Variants in ZBTB46 observed in about 807,000 individuals in gnomAD.
The protein encoded by ZBTB46 is zinc finger and BTB domain-containing protein 46.
In ZBTB46, 8 loss-of-function variants were observed where a neutral mutation model predicts 44.1. The observed-to-expected ratio is 0.18, with a 90% CI of 0.11 to 0.33. ZBTB46 has a LOEUF of 0.33. ZBTB46 is among the 10% of genes least tolerant of loss of function. The pLI, the probability that ZBTB46 is intolerant of heterozygous loss-of-function variation, is 1.00. For synonymous variants in ZBTB46, 409 were observed against 382.3 expected, an observed-to-expected ratio of 1.07 and a Z score of -0.81; for missense variants, 651 against 847.7, an observed-to-expected ratio of 0.77 and a Z score of 2.88.
At chr20:63,818,397 G>C (rs570697628) in intron 1 of ZBTB46, among the ~76,000 whole-genome samples, 250 of 152,356 alleles carry the variant, frequency 1.6e-3, no homozygotes, top group African/African-American at 5.8e-3. Flanking sequence ...GTGAGGAGGA[G>C]AGCAGCGCAG....
chr20:63,793,407 G>C (rs1051724713), intron 1 of ZBTB46, among the ~76,000 whole-genome samples: 8 of 152,136 alleles, frequency 5.3e-5, no homozygotes, highest in African/African-American at 1.9e-4. Flanking sequence ...TCGGGGAAGT[G>C]ACCAAAACAC....
upstream of ZBTB46, among the ~76,000 whole-genome samples, chr20:63,832,741 G>C (rs1167891891): frequency 6.6e-6 from 1 of 152,152 alleles, no homozygotes; most frequent in Non-Finnish European, 1.5e-5. This position sits in a 1 kb window ranked among gnomAD's most constrained non-coding sequence, Gnocchi z 5.0. Flanking sequence ...CCCTCTCGGT[G>C]GCACTGCCTG....
At chr20:63,795,921 C>T (rs1252734344) in intron 1 of ZBTB46, among the ~76,000 whole-genome samples, 1 of 152,152 alleles carries the variant, frequency 6.6e-6, no homozygotes, top group East Asian at 1.9e-4. Flanking sequence ...CGGAAGGTGA[C>T]GGGTGTCCAT....
At chr20:63,799,836 G>C (rs533061932) in intron 1 of ZBTB46, among the ~76,000 whole-genome samples, 1 of 152,238 alleles carries the variant, frequency 6.6e-6, no homozygotes, top group Admixed American at 6.5e-5. Context: ...TCGAGGACAC[G>C]AGCACCTGGA....
intron 2 of ZBTB46, among the ~76,000 whole-genome samples, chr20:63,781,001 C>T (rs1449825139): frequency 1.3e-5 from 2 of 148,346 alleles, no homozygotes; most frequent in African/African-American, 5.0e-5. Flanking sequence ...ATTAGCTGGG[C>T]GCGGTGGCGG....
chr20:63,822,788 A>G (rs2092799516), intron 1 of ZBTB46, among the ~76,000 whole-genome samples: 4 of 152,108 alleles, frequency 2.6e-5, no homozygotes, highest in Non-Finnish European at 4.4e-5. Context: ...CTGAGGCAGG[A>G]TGAATGCTTG....
At chr20:63,785,584 C>G (rs897856976) in intron 2 of ZBTB46, among the ~76,000 whole-genome samples, 1 of 152,094 alleles carries the variant, frequency 6.6e-6, no homozygotes, top group African/African-American at 2.4e-5. Flanking sequence ...TAAAAAAGGG[C>G]CTTTGCTTCT....
rs528194893 is a variant in ZBTB46, at chr20:63,803,291, A to G, written c.-33-12501T>C. On this transcript the variant is annotated intron_variant, in intron 1 of 4. Coordinates refer to ENST00000245663, the MANE Select transcript of ZBTB46 (RefSeq NM_001369741.1). This position sits in a 1 kb window ranked among gnomAD's most constrained non-coding sequence, Gnocchi z 4.0. ...AAAAAATTAAGGTTAAGACATGAAT[A>G]CTGTGAAACTGTCGTACAAATTAAA... 310 of 983,528 alleles carry G rather than the reference A, an allele frequency of 3.2e-4. No individual in the cohort carries two copies. The African/African-American group carries it at 5.2e-3, about 17-fold the overall frequency. The allele number at this position is 983,528 out of a possible 1,614,324, so 60.9% of individuals were successfully genotyped here.
intron 1 of ZBTB46, among the ~76,000 whole-genome samples, chr20:63,826,128 G>A (rs969292634): frequency 6.6e-6 from 1 of 152,262 alleles, no homozygotes; most frequent in Admixed American, 6.5e-5. Flanking sequence ...GGCTTTCTGT[G>A]CAAGAGGCTT....
intron 1 of ZBTB46, among the ~76,000 whole-genome samples, chr20:63,812,909 C>T (rs1195041302): frequency 1.3e-5 from 2 of 152,174 alleles, no homozygotes; most frequent in African/African-American, 2.4e-5. Context: ...TCCCGACCAA[C>T]ATGGTGAAAC....
At chr20:63,832,857 G>A (rs1248559033), upstream of ZBTB46, among the ~76,000 whole-genome samples, 1 of 151,980 alleles carries the variant, frequency 6.6e-6, no homozygotes. The surrounding 1 kb of genome is among the most constrained non-coding windows in gnomAD (Gnocchi z 5.0). Flanking sequence ...GGCGGGTCAC[G>A]TGCATCCCCC....
At position 63,745,547 on chromosome 20, in the gene ZBTB46, G is replaced by A. The variant is rs575276183; in HGVS notation, c.*1383C>T. 1.6e-4 allele frequency: 24 copies of A among 152,278 alleles called. No individual in the cohort carries two copies. Among genetic ancestry groups the A allele is most frequent in the African/African-American group, 5.1e-4 (21 of 41,422 alleles). The allele number at this position is 152,278 out of a possible 1,614,324, so 9.4% of individuals were successfully genotyped here. A position where few individuals can be genotyped will look rare whatever the true frequency, so the allele number is the denominator to read the frequency against. ...ACGCAGCCCTGAAGCTCAGCACTCC[G>A]GGGGGTCTTCACACGGGCAGGTCCT... On this transcript the variant is annotated 3_prime_UTR_variant, in exon 5 of 5. Coordinates refer to ENST00000245663, the MANE Select transcript of ZBTB46 (RefSeq NM_001369741.1).
chr20:63,747,028 CAG>C lies in ZBTB46; in HGVS notation c.1670_1671del (p.Pro557ArgfsTer11), dbSNP rs1568822093. 2 of 1,608,254 alleles carry C rather than the reference CAG, an allele frequency of 1.2e-6. No homozygotes were observed. Among genetic ancestry groups the C allele is most frequent in the Admixed American group, 1.7e-5 (1 of 59,998 alleles). The stretch of plus-strand genomic sequence containing the variant: ...TTGTCGTCCGCCAACAGCGCATCCT[CAG>C]GGGCCAGGCCCTCGTCGTCCTCGCC... ...ELGEDDEGLA[P>X]EDALLADDKD... On this transcript the variant is annotated frameshift_variant, in exon 5 of 5. Transcript: ENST00000245663. LOFTEE classifies it low-confidence loss of function (END_TRUNC).
Position 63,772,836 on chromosome 20 carries a change from A to G in ZBTB46, c.1222+2842T>C, listed in dbSNP as rs960857333. On this transcript the variant is annotated intron_variant, in intron 3 of 4. Coordinates refer to ENST00000245663, the MANE Select transcript of ZBTB46 (RefSeq NM_001369741.1). ...ACACTCAGGATGCAGAGGACACAGC[A>G]CTCTCACTGCAGGGAGAGGCCCTGG... is the stretch of plus-strand genomic sequence containing the variant. 1.8e-4 allele frequency among the ~76,000 whole-genome samples: 27 copies of G among 151,732 alleles called. 1 individual carries two copies. Among genetic ancestry groups the G allele is most frequent in the Admixed American group, 1.6e-3 (25 of 15,250 alleles).
chr20:63,759,657 A>C (rs960203254), intron 3 of ZBTB46, among the ~76,000 whole-genome samples: 1 of 152,190 alleles, frequency 6.6e-6, no homozygotes, highest in Non-Finnish European at 1.5e-5. Context: ...CTGCACACAC[A>C]ACCCGGGCAG....
chr20:63,752,813 C>G lies in ZBTB46; in HGVS notation c.1271G>C (p.Ser424Thr). 1 of 1,612,816 alleles carries G rather than the reference C, an allele frequency of 6.2e-7. No homozygotes were observed. The highest frequency in any genetic ancestry group is 1.3e-5 in the African/African-American group (1 of 75,034). Residue 424 changes from serine (S) to threonine (T), a missense_variant, in exon 4 of 5, where the codon AGC (serine) becomes ACC (threonine). By Grantham distance (58) the Ser-to-Thr change is moderately conservative (BLOSUM62 1). Transcript: ENST00000245663. This position sits in a 1 kb window ranked among gnomAD's most constrained non-coding sequence, Gnocchi z 5.6. Reference protein sequence around the residue: ...IRKKFKCPYCSFSAMHQCILK... With the variant: ...IRKKFKCPYCTFSAMHQCILK... ...GATGCACTGGTGCATGGCCGAGAAG[C>G]TGCAGTACGGACACTTGAACTTCTT... is the stretch of plus-strand genomic sequence containing the variant.
intron 1 of ZBTB46, among the ~76,000 whole-genome samples, chr20:63,830,358 G>A (rs1010717223): frequency 1.3e-5 from 2 of 151,808 alleles, no homozygotes; most frequent in African/African-American, 2.4e-5. Flanking sequence ...ACAAAGACGC[G>A]GCTCGCAGCG....
At chr20:63,759,992 G>T (rs1483023670) in intron 3 of ZBTB46, among the ~76,000 whole-genome samples, 1 of 152,126 alleles carries the variant, frequency 6.6e-6, no homozygotes, top group Non-Finnish European at 1.5e-5. Context: ...TGAGCCTGCG[G>T]ACCATGCAAC....
rs147684100 is a variant in ZBTB46 at position 63,790,317 on chromosome 20, G to A, written c.441C>T (p.Gly147=). The part of the protein sequence containing the change: ...ASDELAEFEI[G]ASSSSSTEAL... ...CTTCCGTGCTGCTGCTGGACGAGGC[G>A]CCGATCTCGAACTCCGCAAGCTCAT... is the stretch of plus-strand genomic sequence containing the variant. The change falls in exon 2 of 5, where the codon GGC becomes GGT. Residue 147 remains glycine, a synonymous_variant. Transcript: ENST00000245663. 2.4e-5 allele frequency: 39 copies of A among 1,612,904 alleles called. No homozygotes were observed. The highest frequency in any genetic ancestry group is 3.3e-5 in the Admixed American group (2 of 59,980).
Sources: allele counts gnomAD v4.1 joint callset (sites outside exome capture counted in the v4.1 genomes callset), GRCh38; gene constraint gnomAD v4.1.1; non-coding constraint Gnocchi (gnomAD v3.1); transcripts MANE v1.5; gene names NCBI Gene and HGNC (gene_info 2026-07-23, HGNC 2026-07-21).